The following PDE1C variants were observed in gnomAD, a reference collection of about 807,000 sequenced individuals.
PDE1C encodes phosphodiesterase 1C.
Under a neutral mutation model 93.1 loss-of-function variants are expected in PDE1C, and 62 were observed. That is an observed-to-expected ratio of 0.67 (90% CI 0.54 to 0.82). The LOEUF is 0.82. PDE1C is among the 40% of genes least tolerant of loss of function. PDE1C has a pLI of 0.00. For synonymous variants in PDE1C, 325 were observed against 310.1 expected (o/e 1.05, Z -0.50); for missense variants, 742 against 884.6 (o/e 0.84, Z 2.04).
At chr7:32,298,787 T>TCCC in exon 1 of PDE1C, 1 of 1,541,684 alleles carries the variant, frequency 6.5e-7, no homozygotes, top group Non-Finnish European at 8.7e-7. Flanking sequence ...GCGTCTGCGG[T>TCCC]CCCCCCCACG....
intron 5 of PDE1C, among the ~76,000 whole-genome samples, chr7:31,875,126 C>T (rs944194309): frequency 6.6e-5 from 10 of 152,304 alleles, no homozygotes; most frequent in African/African-American, 1.9e-4. Context: ...ATCATTGGCA[C>T]TGCCATGAGT....
chr7:31,647,120 T>C, the PDE1C span, among the ~76,000 whole-genome samples: 115,170 of 152,246 alleles, frequency 0.76, 43,702 homozygotes, highest in East Asian at 0.83. Context: ...AAATAAGAGA[T>C]TGCATTCCTC....
intron 11 of PDE1C, among the ~76,000 whole-genome samples, chr7:31,833,617 C>T (rs1212424294): frequency 6.6e-6 from 1 of 152,010 alleles, no homozygotes; most frequent in Non-Finnish European, 1.5e-5. Context: ...TGTGTTTTAG[C>T]AAAGAGACTG....
At chr7:31,940,842 C>T (rs771733825) in intron 2 of PDE1C, among the ~76,000 whole-genome samples, 8 of 152,086 alleles carry the variant, frequency 5.3e-5, no homozygotes, top group Non-Finnish European at 7.4e-5. Flanking sequence ...TGGGCCTCCT[C>T]CCTCCACACA....
intron 2 of PDE1C, among the ~76,000 whole-genome samples, chr7:31,894,759 G>GAA (rs1799066739): frequency 1.3e-5 from 2 of 152,150 alleles, no homozygotes; most frequent in Non-Finnish European, 2.9e-5. Context: ...GCACTGATGT[G>GAA]TGACAGAGAA....
At chr7:31,707,087 T>A in the PDE1C span, 1 of 871,430 alleles carries the variant, frequency 1.1e-6, no homozygotes, top group African/African-American at 1.7e-5. Context: ...GCAGGTAACC[T>A]TGTAGACACT....
intron 2 of PDE1C, among the ~76,000 whole-genome samples, chr7:31,921,406 G>A (rs1341941502): frequency 6.6e-6 from 1 of 152,158 alleles, no homozygotes; most frequent in Non-Finnish European, 1.5e-5. Context: ...CGATCCTAAG[G>A]TCAGAAGTTG....
intron 1 of PDE1C, among the ~76,000 whole-genome samples, chr7:32,232,218 C>T (rs1395867546): frequency 6.6e-6 from 1 of 152,124 alleles, no homozygotes; most frequent in Admixed American, 6.5e-5. Context: ...ACTCTGATCT[C>T]GTCTCAAGGC....
intron 3 of PDE1C, among the ~76,000 whole-genome samples, chr7:32,131,675 CT>C (rs1182278820): frequency 6.6e-6 from 1 of 152,122 alleles, no homozygotes; most frequent in Non-Finnish European, 1.5e-5. Context: ...TCTATCTTCC[CT>C]CCTCTTGATT....
chr7:32,100,548 A>G (rs1797987801), intron 3 of PDE1C, among the ~76,000 whole-genome samples: 1 of 152,238 alleles, frequency 6.6e-6, no homozygotes, highest in Non-Finnish European at 1.5e-5. Context: ...TGGCTAAGGC[A>G]GTGTAAATGC....
the PDE1C span, among the ~76,000 whole-genome samples, chr7:31,664,620 A>G: frequency 0.023 from 3,478 of 152,302 alleles, 138 homozygotes; most frequent in African/African-American, 0.078. Context: ...GGATTATCAC[A>G]TCTGAGATGG....
intron 7 of PDE1C, among the ~76,000 whole-genome samples, 190 bp downstream of exon 7, chr7:31,864,752 A>G (rs1795080943): frequency 1.3e-5 from 2 of 152,178 alleles, no homozygotes; most frequent in Admixed American, 6.5e-5. Flanking sequence ...CAGGCTCAGG[A>G]TGGAGAAAAT....
intron 1 of PDE1C, among the ~76,000 whole-genome samples, chr7:32,349,942 T>G (rs1376286): frequency 0.33 from 50,099 of 152,078 alleles, 8,963 homozygotes; most frequent in South Asian, 0.54. Flanking sequence ...GTTGAATTTT[T>G]TAATCCCCTC....
chr7:31,932,631 T>G (rs1290595373), intron 2 of PDE1C, among the ~76,000 whole-genome samples: 1 of 152,166 alleles, frequency 6.6e-6, no homozygotes, highest in Non-Finnish European at 1.5e-5. Flanking sequence ...TGTAAATTAG[T>G]TCAACCAGTG....
the PDE1C span, among the ~76,000 whole-genome samples, chr7:31,620,944 G>C: frequency 6.6e-6 from 1 of 151,972 alleles, no homozygotes; most frequent in Non-Finnish European, 1.5e-5. Flanking sequence ...CAAGGCTCAA[G>C]AACTATGTGA....
chr7:31,648,764 A>C, the PDE1C span, among the ~76,000 whole-genome samples: 2 of 152,150 alleles, frequency 1.3e-5, no homozygotes, highest in Non-Finnish European at 2.9e-5. Flanking sequence ...TACTAGAACC[A>C]CTCAAACAGC....
Position 31,898,731 on chromosome 7 carries a change from T to A in PDE1C, c.129-17871A>T, listed in dbSNP as rs114793758. Among the ~76,000 whole-genome samples, 951 of 152,284 alleles carry A rather than the reference T, an allele frequency of 6.2e-3. 5 individuals are homozygous for A. The highest frequency in any genetic ancestry group is 0.022 in the African/African-American group (917 of 41,550). ...AAGCATCTAAACACTTATAGCAACCTCCTCTTTTTCTCCAGCAGAACGTGA... is the reference window on the plus strand; with the variant it reads ...AAGCATCTAAACACTTATAGCAACCACCTCTTTTTCTCCAGCAGAACGTGA... On this transcript the variant is annotated intron_variant, in intron 2 of 17. Coordinates refer to ENST00000396191, the MANE Select transcript of PDE1C (RefSeq NM_001191057.4).
intron 2 of PDE1C, among the ~76,000 whole-genome samples, chr7:32,206,541 A>T (rs1805548786): frequency 1.3e-5 from 2 of 152,176 alleles, no homozygotes; most frequent in Non-Finnish European, 2.9e-5. Flanking sequence ...CCCCAATGTC[A>T]GGAGCCACAG....
At chr7:32,309,972 T>G (rs139131100) in intron 1 of PDE1C, among the ~76,000 whole-genome samples, 12 of 152,138 alleles carry the variant, frequency 7.9e-5, no homozygotes, top group African/African-American at 2.9e-4. Flanking sequence ...GATAAAGAGT[T>G]AAGACCCATC....
Sources: gnomAD v4.1 joint callset for allele counts (sites outside exome capture counted in the v4.1 genomes callset) on GRCh38, gnomAD v4.1.1 for gene constraint, MANE v1.5 for transcripts, NCBI Gene and HGNC (gene_info 2026-07-23, HGNC 2026-07-21) for gene names.